RORA: variants seen among roughly 807,000 people sequenced by gnomAD.
RORA encodes the protein RAR related orphan receptor A.
Under a neutral mutation model 69.5 loss-of-function variants are expected in RORA, and 7 were observed. That is an observed-to-expected ratio of 0.10 (90% CI 0.06 to 0.19). RORA has a LOEUF of 0.19. RORA is among the 10% of genes least tolerant of loss of function. RORA has a pLI of 1.00. For synonymous variants in RORA, 261 were observed against 240.8 expected, an observed-to-expected ratio of 1.08 and a Z score of -0.78; for missense variants, 457 against 663.0, an observed-to-expected ratio of 0.69 and a Z score of 3.41.
intron 1 of RORA, among the ~76,000 whole-genome samples, chr15:61,219,164 G>A (rs2080069992): frequency 6.6e-6 from 1 of 152,110 alleles, no homozygotes; most frequent in African/African-American, 2.4e-5. Flanking sequence ...TGCCCAGTGG[G>A]GTTAAAAAAT....
chr15:60,785,285 C>G (rs962551770), intron 1 of RORA, among the ~76,000 whole-genome samples: 1 of 152,172 alleles, frequency 6.6e-6, no homozygotes, highest in Non-Finnish European at 1.5e-5. Flanking sequence ...GATGGTCTAC[C>G]AGGAGGCAGA....
At chr15:60,972,389 G>A (rs140716178) in intron 1 of RORA, among the ~76,000 whole-genome samples, 167 of 152,270 alleles carry the variant, frequency 1.1e-3, no homozygotes, top group Non-Finnish European at 2.2e-3. Flanking sequence ...AAGCACTCCC[G>A]GGAGAAACTC....
intron 1 of RORA, among the ~76,000 whole-genome samples, chr15:60,680,659 T>G (rs2140752346): frequency 6.6e-6 from 1 of 152,322 alleles, no homozygotes; most frequent in South Asian, 2.1e-4. Flanking sequence ...GGAGCTACAC[T>G]TATATTGGAG....
intron 3 of RORA, chr15:60,529,794 T>C (rs2066474876): frequency 1.3e-5 from 2 of 152,228 alleles, no homozygotes; most frequent in Non-Finnish European, 2.9e-5. Flanking sequence ...ATCTTCCAAA[T>C]TGTTGGGGTA....
intron 1 of RORA, among the ~76,000 whole-genome samples, chr15:61,210,091 G>C (rs533789342): frequency 1.3e-5 from 2 of 152,234 alleles, no homozygotes; most frequent in Admixed American, 1.3e-4. Flanking sequence ...AGATGCTCCC[G>C]GGATGCTGAG....
At chr15:60,884,809 T>C (rs1159685290) in intron 1 of RORA, among the ~76,000 whole-genome samples, 1 of 152,240 alleles carries the variant, frequency 6.6e-6, no homozygotes, top group East Asian at 1.9e-4. Flanking sequence ...TTTAGAGCTA[T>C]AGCTCAAGAT....
chr15:61,218,558 A>C (rs1023195977), intron 1 of RORA, among the ~76,000 whole-genome samples: 17 of 152,190 alleles, frequency 1.1e-4, no homozygotes, highest in Non-Finnish European at 2.4e-4. Context: ...ACTTCAAAAA[A>C]TACAGAAAAG....
At chr15:60,880,759 A>G (rs1481694049) in intron 1 of RORA, among the ~76,000 whole-genome samples, 2 of 152,250 alleles carry the variant, frequency 1.3e-5, no homozygotes, top group East Asian at 3.8e-4. Context: ...GCATATAGCA[A>G]TAATCAGCAA....
In RORA at chr15:60,905,195, T is replaced by G. The variant is rs1454597283; in HGVS notation, c.167-226509A>C. 6.6e-6 allele frequency among the ~76,000 whole-genome samples: 1 copy of G among 152,238 alleles called. No individual in the cohort carries two copies. Among genetic ancestry groups the G allele is most frequent in the Non-Finnish European group, 1.5e-5 (1 of 68,040 alleles). ...TTGATATGCAGTCTTAGCCCTGTTATCATCTCTGATCTTGACCATTTCCCT... is the reference window on the plus strand; with the variant it reads ...TTGATATGCAGTCTTAGCCCTGTTAGCATCTCTGATCTTGACCATTTCCCT... On this transcript the variant is annotated intron_variant, in intron 1 of 10. Coordinates refer to ENST00000335670, the MANE Select transcript of RORA (RefSeq NM_134261.3). The surrounding 1 kb of genome is among the most constrained non-coding windows in gnomAD (Gnocchi z 4.8).
intron 2 of RORA, among the ~76,000 whole-genome samples, chr15:60,542,577 TGCACACCTCACACACAC>T (rs1567073313): frequency 5.0e-5 from 5 of 99,780 alleles, no homozygotes; most frequent in African/African-American, 2.5e-4. Flanking sequence ...ACGGCACGCA[TGCACACCTCACACACAC>T]GGCACGCATG....
chr15:60,562,573 C>T (rs1290181379), intron 2 of RORA, among the ~76,000 whole-genome samples: 2 of 150,876 alleles, frequency 1.3e-5, no homozygotes, highest in Non-Finnish European at 2.9e-5. Flanking sequence ...GTAGCTGGGA[C>T]TATAGGCCCG....
At chr15:61,041,172 C>T (rs542734834) in intron 1 of RORA, 1 of 152,374 alleles carries the variant, frequency 6.6e-6, no homozygotes, top group Non-Finnish European at 1.5e-5. Context: ...CTCTCTTTGC[C>T]TGTCATCACT....
At chr15:60,821,176 T>G (rs1433242695) in intron 1 of RORA, among the ~76,000 whole-genome samples, 1 of 152,146 alleles carries the variant, frequency 6.6e-6, no homozygotes, top group African/African-American at 2.4e-5. Context: ...CATCTTCCAC[T>G]GGAGATGCCT....
At chr15:61,158,401 C>T (rs1020973227) in intron 1 of RORA, among the ~76,000 whole-genome samples, 1 of 152,156 alleles carries the variant, frequency 6.6e-6, no homozygotes, top group East Asian at 1.9e-4. Flanking sequence ...GGGAAATCTG[C>T]AGCATTAATT....
At chr15:60,886,962 G>A (rs892348590) in intron 1 of RORA, among the ~76,000 whole-genome samples, 2 of 152,178 alleles carry the variant, frequency 1.3e-5, no homozygotes, top group African/African-American at 4.8e-5. Context: ...CAGCCCACTA[G>A]AACAACATCA....
intron 1 of RORA, among the ~76,000 whole-genome samples, chr15:60,872,921 T>C (rs1443913123): frequency 6.6e-6 from 1 of 152,156 alleles, no homozygotes; most frequent in East Asian, 1.9e-4. Flanking sequence ...TCCTCCTCTC[T>C]GGGGTGCCCT....
intron 1 of RORA, among the ~76,000 whole-genome samples, chr15:61,191,377 AAAAAG>A (rs1314119717): frequency 1.0e-3 from 157 of 152,218 alleles, no homozygotes; most frequent in Non-Finnish European, 1.9e-3. Context: ...AAAAAAAAAA[AAAAAG>A]AAAGAAATCA....
intron 2 of RORA, among the ~76,000 whole-genome samples, chr15:60,637,057 T>G (rs1054653245): frequency 1.3e-5 from 2 of 151,288 alleles, no homozygotes; most frequent in Non-Finnish European, 2.9e-5. Flanking sequence ...TGTGCATTAA[T>G]CTTTACTTTT....
intron 1 of RORA, among the ~76,000 whole-genome samples, chr15:60,774,798 A>T (rs886686185): frequency 1.3e-5 from 2 of 152,202 alleles, no homozygotes; most frequent in African/African-American, 4.8e-5. Flanking sequence ...AGAGCCTAAG[A>T]ATTGAGGACG....
Sources: gnomAD v4.1 joint callset for allele counts (sites outside exome capture counted in the v4.1 genomes callset) on GRCh38, gnomAD v4.1.1 for gene constraint, Gnocchi (gnomAD v3.1) non-coding constraint, MANE v1.5 for transcripts, NCBI Gene and HGNC (gene_info 2026-07-23, HGNC 2026-07-21) for gene names.